NRG3: variants seen among roughly 807,000 people sequenced by gnomAD.
The protein encoded by NRG3 is pro-neuregulin-3, membrane-bound isoform.
A neutral mutation model predicts 66.9 loss-of-function variants in NRG3; 31 were observed. The observed-to-expected ratio is 0.46, with a 90% CI of 0.35 to 0.63. The LOEUF (loss-of-function observed/expected upper bound fraction) is 0.63, where lower values mean the gene tolerates loss of function less well. NRG3 is among the 20% of genes least tolerant of loss of function. NRG3 has a pLI of 0.00. For synonymous variants in NRG3, 393 were observed against 359.4 expected (o/e 1.09, Z -1.06); for missense variants, 910 against 878.9 (o/e 1.04, Z -0.45).
chr10:81,951,621 G>C (rs1353021778), intron 1 of NRG3, among the ~76,000 whole-genome samples: 1 of 152,144 alleles, frequency 6.6e-6, no homozygotes, highest in Non-Finnish European at 1.5e-5. Flanking sequence ...TGGGGTCCAA[G>C]CATGAAATGG....
At chr10:82,075,091 C>G (rs1049840274) in intron 1 of NRG3, among the ~76,000 whole-genome samples, 2 of 152,128 alleles carry the variant, frequency 1.3e-5, no homozygotes. Flanking sequence ...GCGATATAAA[C>G]TTGTTTTGAT....
chr10:82,405,682 G>C (rs549774797), intron 2 of NRG3, among the ~76,000 whole-genome samples: 1 of 152,072 alleles, frequency 6.6e-6, no homozygotes, highest in South Asian at 2.1e-4. Flanking sequence ...CGGCCAGACT[G>C]GTCTCAAACT....
At chr10:82,213,821 A>C (rs538854330) in intron 1 of NRG3, among the ~76,000 whole-genome samples, 1 of 152,324 alleles carries the variant, frequency 6.6e-6, no homozygotes, top group African/African-American at 2.4e-5. Flanking sequence ...TATGTTTTCA[A>C]AGCAAGTTTT....
chr10:82,136,646 A>T (rs2069377188), intron 1 of NRG3, among the ~76,000 whole-genome samples: 1 of 152,016 alleles, frequency 6.6e-6, no homozygotes, highest in Non-Finnish European at 1.5e-5. Flanking sequence ...CCAGTACTGT[A>T]TGCGGGTCTC....
chr10:82,513,408 A>C (rs373915732), intron 2 of NRG3, among the ~76,000 whole-genome samples: 6 of 152,302 alleles, frequency 3.9e-5, no homozygotes, highest in African/African-American at 1.4e-4. Flanking sequence ...ATAATGCTGC[A>C]CTGAATATAT....
At chr10:82,004,757 G>T (rs2061319998) in intron 1 of NRG3, among the ~76,000 whole-genome samples, 1 of 152,190 alleles carries the variant, frequency 6.6e-6, no homozygotes, top group Non-Finnish European at 1.5e-5. Context: ...ATCAGAGCCT[G>T]TATGAGAAGT....
chr10:82,046,323 T>C (rs1327358863), intron 1 of NRG3, among the ~76,000 whole-genome samples: 1 of 42,522 alleles, frequency 2.4e-5, no homozygotes, highest in African/African-American at 4.3e-5. Context: ...ATATTCTCTT[T>C]GAAGCAATTG....
At chr10:81,967,786 T>C (rs1450265097) in intron 1 of NRG3, among the ~76,000 whole-genome samples, 1 of 152,176 alleles carries the variant, frequency 6.6e-6, no homozygotes, top group Non-Finnish European at 1.5e-5. Flanking sequence ...TTTGTCTTCA[T>C]TTCCTATTCT....
intron 1 of NRG3, among the ~76,000 whole-genome samples, chr10:82,211,485 A>T (rs1430758150): frequency 6.6e-6 from 1 of 152,084 alleles, no homozygotes; most frequent in Non-Finnish European, 1.5e-5. Flanking sequence ...AGCTCTGGGG[A>T]GTCGAAAGGC....
chr10:82,229,723 C>T (rs1042430652), intron 1 of NRG3, among the ~76,000 whole-genome samples: 6 of 152,130 alleles, frequency 3.9e-5, no homozygotes, highest in Admixed American at 3.3e-4. Context: ...ACAAGCACAA[C>T]ATGGGGGAAA....
intron 1 of NRG3, among the ~76,000 whole-genome samples, chr10:82,216,460 A>ATATATATGTGTGTG (rs1554851844): frequency 1.4e-5 from 2 of 146,414 alleles, no homozygotes; most frequent in South Asian, 2.2e-4. Context: ...TTTTATATAT[A>ATATATATGTGTGTG]TGTGTGTGTG....
intron 1 of NRG3, among the ~76,000 whole-genome samples, chr10:82,102,067 T>G (rs1001647091): frequency 2.1e-5 from 3 of 139,872 alleles, no homozygotes; most frequent in African/African-American, 7.8e-5. Context: ...TGTATATATG[T>G]GTGTATACAT....
At chr10:82,806,021 C>A (rs1238377261) in intron 3 of NRG3, among the ~76,000 whole-genome samples, 2 of 152,134 alleles carry the variant, frequency 1.3e-5, no homozygotes, top group African/African-American at 4.8e-5. Flanking sequence ...GAGATTTTAT[C>A]TAATCTTATT....
chr10:82,646,742 G>T (rs1157065704), intron 2 of NRG3, among the ~76,000 whole-genome samples: 2 of 152,058 alleles, frequency 1.3e-5, no homozygotes, highest in Non-Finnish European at 2.9e-5. Flanking sequence ...GGCACTGATT[G>T]GTGTTAAGCA....
At chr10:82,333,580 T>C (rs1456657744) in intron 1 of NRG3, among the ~76,000 whole-genome samples, 1 of 152,214 alleles carries the variant, frequency 6.6e-6, no homozygotes, top group Non-Finnish European at 1.5e-5. Context: ...ACTGTATCCA[T>C]AGCTAAAGTT....
At chr10:82,126,634 T>A (rs2068466226) in intron 1 of NRG3, among the ~76,000 whole-genome samples, 1 of 152,116 alleles carries the variant, frequency 6.6e-6, no homozygotes, top group Non-Finnish European at 1.5e-5. Flanking sequence ...AGAATTAATT[T>A]CTCCTTTGGC....
At chr10:82,150,031 G>A (rs1160353468) in intron 1 of NRG3, among the ~76,000 whole-genome samples, 1 of 152,070 alleles carries the variant, frequency 6.6e-6, no homozygotes, top group Non-Finnish European at 1.5e-5. Flanking sequence ...CTGATTTTCA[G>A]GGGGGAGTGC....
intron 1 of NRG3, among the ~76,000 whole-genome samples, chr10:82,177,698 C>T (rs1247265607): frequency 8.5e-5 from 13 of 152,120 alleles, no homozygotes; most frequent in East Asian, 1.9e-4. Context: ...CTCAGCCTCA[C>T]GGGTAGCTGG....
intron 2 of NRG3, among the ~76,000 whole-genome samples, chr10:82,639,887 C>A (rs1377641642): frequency 2.6e-5 from 4 of 151,964 alleles, no homozygotes; most frequent in East Asian, 1.9e-4. Flanking sequence ...AAGCCTATAC[C>A]CATTAATTGT....
Sources: allele counts gnomAD v4.1 joint callset (sites outside exome capture counted in the v4.1 genomes callset), GRCh38; gene constraint gnomAD v4.1.1; transcripts MANE v1.5; gene names NCBI Gene and HGNC (gene_info 2026-07-23, HGNC 2026-07-21).